The following CDH4 variants were observed in gnomAD, a reference collection of about 807,000 sequenced individuals.
The protein encoded by CDH4 is cadherin 4, also known as cadherin-4.
CDH4 carries 33 observed loss-of-function variants against 86.0 expected under a neutral mutation model. The observed-to-expected ratio is 0.38, with a 90% confidence interval of 0.29 to 0.51. CDH4 has a LOEUF of 0.51. Among genes scored for constraint, CDH4 ranks in the 20% least tolerant of loss-of-function variants. The pLI is 0.86. For missense variants in CDH4, 1,114 were observed against 1,307.4 expected, an observed-to-expected ratio of 0.85 and a Z score of 2.28; for synonymous variants, 555 against 549.4, an observed-to-expected ratio of 1.01 and a Z score of -0.14.
chr20:61,461,557 G>T (rs1360173073), intron 2 of CDH4, among the ~76,000 whole-genome samples: 1 of 152,162 alleles, frequency 6.6e-6, no homozygotes, highest in Non-Finnish European at 1.5e-5. Flanking sequence ...TTACTCCTGA[G>T]TCCAGGCACG....
chr20:61,573,014 A>T (rs1294671748), intron 2 of CDH4, among the ~76,000 whole-genome samples: 2 of 142,230 alleles, frequency 1.4e-5, no homozygotes, highest in East Asian at 2.1e-4. Context: ...GGATGGATTG[A>T]TGGATGGATG....
At chr20:61,825,136 G>A (rs546812978) in intron 4 of CDH4, among the ~76,000 whole-genome samples, 9 of 152,024 alleles carry the variant, frequency 5.9e-5, no homozygotes, top group African/African-American at 1.7e-4. Flanking sequence ...GGCCAGACAC[G>A]CTGGCTCATG....
chr20:61,547,826 C>T (rs956989945), intron 2 of CDH4, among the ~76,000 whole-genome samples: 5 of 152,248 alleles, frequency 3.3e-5, no homozygotes, highest in African/African-American at 1.2e-4. Context: ...TGCATGCCTG[C>T]ACATACACGC....
intron 2 of CDH4, chr20:61,370,480 G>C (rs1432737230): frequency 6.6e-6 from 1 of 152,224 alleles, no homozygotes. Context: ...CGCTGAGTGA[G>C]TGGTGGTCAT....
rs1478828626 is a variant in CDH4 at position 61,703,580 on chromosome 20, C to A, written c.170-39983C>A. Among the ~76,000 whole-genome samples, 1 of 152,228 alleles carries A rather than the reference C, an allele frequency of 6.6e-6. No homozygotes were observed. Among genetic ancestry groups the A allele is most frequent in the Admixed American group, 6.5e-5 (1 of 15,292 alleles). On this transcript the variant is annotated intron_variant, in intron 2 of 15. Transcript: ENST00000614565. The surrounding 1 kb of genome is among the most constrained non-coding windows in gnomAD (Gnocchi z 4.3). ...AAAGCTCCTCGTCCCCAGCTTGTGT[C>A]CCTTCCCCGTCGCACCTCTTCCCCG...
chr20:61,706,075 T>C (rs2145891423), intron 2 of CDH4, among the ~76,000 whole-genome samples: 1 of 152,296 alleles, frequency 6.6e-6, no homozygotes, highest in South Asian at 2.1e-4. Flanking sequence ...CCCACCCCAT[T>C]GTGCCCAGTG....
chr20:61,317,735 C>T (rs115627175), intron 2 of CDH4, among the ~76,000 whole-genome samples: 55 of 152,016 alleles, frequency 3.6e-4, no homozygotes, highest in African/African-American at 1.3e-3. Context: ...GCAGGGACCC[C>T]CTTTCCACCA....
intron 4 of CDH4, among the ~76,000 whole-genome samples, chr20:61,827,090 G>A (rs1013389137): frequency 4.0e-5 from 6 of 151,340 alleles, no homozygotes; most frequent in African/African-American, 1.5e-4. Flanking sequence ...AGGATAGAGG[G>A]GATAGAAATA....
At chr20:61,383,461 A>C (rs1443299267) in intron 2 of CDH4, among the ~76,000 whole-genome samples, 1 of 19,652 alleles carries the variant, frequency 5.1e-5, no homozygotes, top group Non-Finnish European at 1.1e-4. Context: ...ATATATATGA[A>C]GATATATATG....
At position 61,761,937 on chromosome 20, in the gene CDH4, G is replaced by A. The variant is rs550669005; in HGVS notation, c.397-11066G>A. Among the ~76,000 whole-genome samples the A allele has an allele frequency of 3.3e-5, 5 of 151,912 alleles. No individual in the cohort carries two copies. In the South Asian group the frequency reaches 6.2e-4, roughly 19 times the overall value. The stretch of plus-strand genomic sequence containing the variant: ...CAGGCAGCTCCGCACAGCAGGCAGC[G>A]CCGCACGGCAGGCAGCTCCGCACAG... On this transcript the variant is annotated intron_variant, in intron 3 of 15. Coordinates refer to ENST00000614565, the MANE Select transcript of CDH4 (RefSeq NM_001794.5).
At chr20:61,660,063 G>A (rs1436203175) in intron 2 of CDH4, among the ~76,000 whole-genome samples, 1 of 152,186 alleles carries the variant, frequency 6.6e-6, no homozygotes, top group Non-Finnish European at 1.5e-5. Flanking sequence ...AGCTCCTCGG[G>A]GATCTGCACC....
rs538006738 is a variant in CDH4, at chr20:61,367,323, A to G, written c.169+112386A>G. Among the ~76,000 whole-genome samples, 11 of 152,382 alleles carry G rather than the reference A, an allele frequency of 7.2e-5. No homozygotes were observed. In the East Asian group the frequency reaches 2.1e-3, roughly 29 times the overall value. On this transcript the variant is annotated intron_variant, in intron 2 of 15. Transcript: ENST00000614565. ...AAGCACAGCTGTAAACAAGGCTGAC[A>G]CAAGAGACAGTCAGTAAATAAGTGG...
chr20:61,352,442 A>G lies in CDH4; in HGVS notation c.169+97505A>G, dbSNP rs956040558. On this transcript the variant is annotated intron_variant, in intron 2 of 15. Transcript: ENST00000614565. ...TCCACAATGCAGTGAGCACGTCTGA[A>G]AATGTGGCAAACGTCTTTACATTGC... is the stretch of plus-strand genomic sequence containing the variant. Among the ~76,000 whole-genome samples the G allele has an allele frequency of 2.0e-4, 30 of 152,184 alleles. 1 individual carries two copies. The highest frequency in any genetic ancestry group is 1.5e-5 in the Non-Finnish European group (1 of 68,042).
chr20:61,556,826 G>C (rs533111511), intron 2 of CDH4, among the ~76,000 whole-genome samples: 3 of 152,180 alleles, frequency 2.0e-5, no homozygotes, highest in South Asian at 2.1e-4. Flanking sequence ...GAGGGTGAAA[G>C]GGAGCTGTGG....
At chr20:61,631,749 CT>C (rs1383955160) in intron 2 of CDH4, among the ~76,000 whole-genome samples, 3 of 152,240 alleles carry the variant, frequency 2.0e-5, no homozygotes, top group Non-Finnish European at 2.9e-5. Flanking sequence ...ACCCTCTTGG[CT>C]GGCTTCTGCC....
rs1600949565 is a variant in CDH4, at chr20:61,754,498, G to C, written c.396+10709G>C. ...CCTGCTGTCCCCCTGCCCACTGCAG[G>C]CTCCACAGGGCTTGGGGTGTCCCTG... On this transcript the variant is annotated intron_variant, in intron 3 of 15. Transcript: ENST00000614565. The surrounding 1 kb of genome is among the most constrained non-coding windows in gnomAD (Gnocchi z 4.7). 1.3e-5 allele frequency among the ~76,000 whole-genome samples: 2 copies of C among 152,210 alleles called. No individual in the cohort carries two copies. Among genetic ancestry groups the C allele is most frequent in the Middle Eastern group, 3.4e-3 (1 of 294 alleles).
intron 2 of CDH4, among the ~76,000 whole-genome samples, chr20:61,614,518 G>T (rs984724292): frequency 6.6e-6 from 1 of 152,206 alleles, no homozygotes; most frequent in Admixed American, 6.5e-5. Context: ...ACAGGTGGCC[G>T]GTGCGTGGGA....
intron 12 of CDH4, 37 bp from the exon 13 acceptor site, chr20:61,929,572 G>A (rs369697884): frequency 3.2e-5 from 48 of 1,519,856 alleles, no homozygotes; most frequent in Middle Eastern, 1.7e-4. Flanking sequence ...AGCGAGGGCC[G>A]GGCTCTGGTT....
chr20:61,504,076 G>A (rs190179589), intron 2 of CDH4, among the ~76,000 whole-genome samples: 114 of 152,340 alleles, frequency 7.5e-4, no homozygotes, highest in South Asian at 1.5e-3. Context: ...ACCGAGGCAC[G>A]CCTGTCTTGG....
Sources: allele counts gnomAD v4.1 joint callset (sites outside exome capture counted in the v4.1 genomes callset), GRCh38; gene constraint gnomAD v4.1.1; non-coding constraint Gnocchi (gnomAD v3.1); transcripts MANE v1.5; gene names NCBI Gene and HGNC (gene_info 2026-07-23, HGNC 2026-07-21).